PCDH15: variants seen among roughly 807,000 people sequenced by gnomAD.
The protein encoded by PCDH15 is protocadherin-15.
A neutral mutation model predicts 178.5 loss-of-function variants in PCDH15; 129 were observed. That is an observed-to-expected ratio of 0.72 (90% CI 0.63 to 0.84). The LOEUF is 0.84. PCDH15 is among the 40% of genes least tolerant of loss of function. The pLI is 0.00. For synonymous variants in PCDH15, 800 were observed against 732.0 expected, an observed-to-expected ratio of 1.09 and a Z score of -1.50; for missense variants, 2,230 against 2,099.9, an observed-to-expected ratio of 1.06 and a Z score of -1.21.
intron 3 of PCDH15, among the ~76,000 whole-genome samples, chr10:54,462,299 C>CAT (rs995360821): frequency 1.0e-3 from 140 of 139,836 alleles, no homozygotes; most frequent in East Asian, 3.7e-3. Flanking sequence ...CACACACACA[C>CAT]ATATATATAT....
chr10:55,465,707 G>A (rs574095538), intron 2 of PCDH15, among the ~76,000 whole-genome samples: 1 of 152,108 alleles, frequency 6.6e-6, no homozygotes, highest in East Asian at 1.9e-4. Flanking sequence ...TATTTGCCCG[G>A]AGCTACCAGA....
intron 2 of PCDH15, among the ~76,000 whole-genome samples, chr10:54,924,009 G>A (rs1837555569): frequency 7.3e-6 from 1 of 136,060 alleles, no homozygotes; most frequent in Non-Finnish European, 1.7e-5. Flanking sequence ...ATCTGAGACT[G>A]GTCCTTTATA....
chr10:54,429,888 T>G (rs1200449310), intron 3 of PCDH15, among the ~76,000 whole-genome samples: 1 of 152,058 alleles, frequency 6.6e-6, no homozygotes, highest in South Asian at 2.1e-4. Flanking sequence ...ACAACAATAG[T>G]TGGAGACTTC....
intron 1 of PCDH15, among the ~76,000 whole-genome samples, chr10:55,238,000 T>G (rs1025809889): frequency 6.6e-6 from 1 of 152,048 alleles, no homozygotes; most frequent in African/African-American, 2.4e-5. Context: ...TCAAGTCTTT[T>G]TATCATTTGA....
intron 28 of PCDH15, among the ~76,000 whole-genome samples, chr10:53,855,193 T>A (rs1564617952): frequency 6.6e-6 from 1 of 151,986 alleles, no homozygotes; most frequent in Non-Finnish European, 1.5e-5. Flanking sequence ...TAGTGGAAAT[T>A]GACTATAATA....
intron 2 of PCDH15, among the ~76,000 whole-genome samples, chr10:54,551,154 CAAAA>C (rs57337778): frequency 1.2e-3 from 64 of 52,406 alleles, no homozygotes; most frequent in African/African-American, 3.7e-3. Context: ...GACTCTGTCT[CAAAA>C]AAAAAAAAAA....
chr10:53,905,263 G>C, intron 25 of PCDH15: 2 of 516,146 alleles, frequency 3.9e-6, no homozygotes, highest in Non-Finnish European at 7.7e-6. Flanking sequence ...ATATAACAAA[G>C]ACATCACAAA....
chr10:54,533,757 G>T (rs1030036226), intron 2 of PCDH15, among the ~76,000 whole-genome samples: 2 of 151,898 alleles, frequency 1.3e-5, no homozygotes, highest in African/African-American at 4.8e-5. Context: ...TAATTTATTT[G>T]CTGAATTAGG....
At chr10:55,623,292 T>C (rs1342110046) in intron 2 of PCDH15, among the ~76,000 whole-genome samples, 2 of 152,160 alleles carry the variant, frequency 1.3e-5, no homozygotes, top group African/African-American at 2.4e-5. Flanking sequence ...GTGGCTGTGG[T>C]TTGTGAGACT....
intron 1 of PCDH15, among the ~76,000 whole-genome samples, chr10:55,260,785 G>T (rs548957251): frequency 6.6e-6 from 1 of 152,208 alleles, no homozygotes; most frequent in Non-Finnish European, 1.5e-5. Context: ...GTTATAAAAA[G>T]AATAGATAAG....
chr10:54,700,461 A>G lies in PCDH15; in HGVS notation c.-28-36171T>C, dbSNP rs1054661566. 3.3e-5 allele frequency among the ~76,000 whole-genome samples: 5 copies of G among 152,084 alleles called. No homozygotes were observed. In the East Asian group the frequency reaches 9.6e-4, roughly 29 times the overall value. On this transcript the variant is annotated intron_variant, in intron 1 of 37. Coordinates refer to ENST00000644397, the MANE Select transcript of PCDH15 (RefSeq NM_001384140.1). The stretch of plus-strand genomic sequence containing the variant: ...ACTCAAAACCCAATCCAAGGAGTCT[A>G]AGGAATACAATACAACAATACAAGA...
At chr10:54,503,264 T>TGTGTGTGTGTGTGTGTGTGAGA (rs35648214) in intron 3 of PCDH15, among the ~76,000 whole-genome samples, 4 of 137,378 alleles carry the variant, frequency 2.9e-5, no homozygotes, top group African/African-American at 8.2e-5. Flanking sequence ...TGTGTGTGTG[T>TGTGTGTGTGTGTGTGTGTGAGA]GATTATATAT....
chr10:54,677,497 C>T (rs2094812759), intron 1 of PCDH15, among the ~76,000 whole-genome samples: 1 of 151,980 alleles, frequency 6.6e-6, no homozygotes, highest in South Asian at 2.1e-4. Context: ...GCGTGCGTGT[C>T]AGGTTGCATA....
chr10:55,462,185 A>T (rs766398176), intron 2 of PCDH15, among the ~76,000 whole-genome samples: 1 of 152,176 alleles, frequency 6.6e-6, no homozygotes, highest in East Asian at 1.9e-4. Context: ...TTCCAAATTC[A>T]GTGAATTTTT....
At chr10:54,374,722 A>G (rs1330565521) in intron 4 of PCDH15, among the ~76,000 whole-genome samples, 1 of 152,082 alleles carries the variant, frequency 6.6e-6, no homozygotes, top group Non-Finnish European at 1.5e-5. Flanking sequence ...AATAAGACAT[A>G]AAAATAAATG....
intron 3 of PCDH15, among the ~76,000 whole-genome samples, chr10:54,400,741 A>G (rs1229501704): frequency 6.6e-6 from 1 of 152,084 alleles, no homozygotes; most frequent in African/African-American, 2.4e-5. Flanking sequence ...GACGAGAGGA[A>G]AACATGCAGA....
chr10:54,550,065 C>T (rs9787572), intron 2 of PCDH15, among the ~76,000 whole-genome samples: 116,221 of 152,174 alleles, frequency 0.76, 45,224 homozygotes, highest in East Asian at 0.99. Context: ...AATTTACAGA[C>T]GCTCCAAAAC....
intron 25 of PCDH15, among the ~76,000 whole-genome samples, chr10:53,914,080 G>C (rs2133808239): frequency 6.6e-6 from 1 of 152,194 alleles, no homozygotes; most frequent in Admixed American, 6.5e-5. Context: ...TCTCACACCA[G>C]TTAGAATGGC....
At chr10:54,705,022 T>C (rs947982722) in intron 1 of PCDH15, among the ~76,000 whole-genome samples, 1 of 152,106 alleles carries the variant, frequency 6.6e-6, no homozygotes, top group Admixed American at 6.6e-5. Context: ...TTATGTCCTT[T>C]GCAACAACAT....
Sources: gnomAD v4.1 joint callset for allele counts (sites outside exome capture counted in the v4.1 genomes callset) on GRCh38, gnomAD v4.1.1 for gene constraint, MANE v1.5 for transcripts, NCBI Gene and HGNC (gene_info 2026-07-23, HGNC 2026-07-21) for gene names.